Variants in RBFOX1 observed in about 807,000 individuals in gnomAD.
RBFOX1 encodes the protein RNA binding fox-1 homolog 1, also known as RNA binding protein fox-1 homolog 1.
A neutral mutation model predicts 57.7 loss-of-function variants in RBFOX1; 8 were observed. That is an observed-to-expected ratio of 0.14 (90% CI 0.08 to 0.25). The LOEUF (loss-of-function observed/expected upper bound fraction) is 0.25. Among genes scored for constraint, RBFOX1 ranks in the 10% least tolerant of loss-of-function variants. The pLI is 1.00. For synonymous variants in RBFOX1, 326 were observed against 222.4 expected, an observed-to-expected ratio of 1.47 and a Z score of -4.15; for missense variants, 611 against 548.5, an observed-to-expected ratio of 1.11 and a Z score of -1.14.
Position 7,227,258 on chromosome 16 carries a change from C to G in RBFOX1, c.27+175160C>G, listed in dbSNP as rs537510484. Among the ~76,000 whole-genome samples the G allele has an allele frequency of 4.6e-5, 7 of 150,942 alleles. No homozygotes were observed. The Admixed American group carries it at 4.7e-4, about 10-fold the overall frequency. On this transcript the variant is annotated intron_variant, in intron 4 of 15. Transcript: ENST00000550418. The stretch of plus-strand genomic sequence containing the variant: ...CTCTATCTGTATATCTCTCTCTGTT[C>G]TCACTGTCACATACCACACACACCC...
chr16:7,372,532 T>C (rs984245884), intron 4 of RBFOX1, among the ~76,000 whole-genome samples: 2 of 152,178 alleles, frequency 1.3e-5, no homozygotes, highest in Non-Finnish European at 2.9e-5. Flanking sequence ...CCTGATTGAT[T>C]AGTAGTGGCT....
At chr16:7,060,484 G>C (rs1021218709) in intron 4 of RBFOX1, among the ~76,000 whole-genome samples, 1 of 152,112 alleles carries the variant, frequency 6.6e-6, no homozygotes, top group South Asian at 2.1e-4. Flanking sequence ...CTTTAAAAGT[G>C]ATTTCTTGCT....
At chr16:5,800,201 G>A (rs1045636881) in intron 3 of RBFOX1, among the ~76,000 whole-genome samples, 3 of 152,146 alleles carry the variant, frequency 2.0e-5, no homozygotes, top group African/African-American at 7.2e-5. Context: ...GGAAGGGGAA[G>A]TATACACCCA....
intron 3 of RBFOX1, among the ~76,000 whole-genome samples, chr16:5,740,741 G>A (rs543250714): frequency 1.1e-3 from 165 of 152,206 alleles, no homozygotes; most frequent in Non-Finnish European, 1.9e-3. Flanking sequence ...AAGGGCTGTG[G>A]GTACTCTAAT....
At chr16:5,591,016 A>C (rs955827710) in intron 2 of RBFOX1, among the ~76,000 whole-genome samples, 43 of 141,090 alleles carry the variant, frequency 3.0e-4, no homozygotes, top group Admixed American at 7.3e-4. Context: ...TGAGCTAAAC[A>C]TTTTTTTTTT....
At chr16:6,272,910 G>A (rs530814957) in intron 1 of RBFOX1, among the ~76,000 whole-genome samples, 120 of 152,186 alleles carry the variant, frequency 7.9e-4, no homozygotes, top group African/African-American at 2.7e-3. Flanking sequence ...ATACAAAAAA[G>A]GCTCAAAATG....
chr16:6,483,166 T>A, intron 2 of RBFOX1: 2 of 1,103,262 alleles, frequency 1.8e-6, no homozygotes, highest in Non-Finnish European at 2.2e-6. Flanking sequence ...ATTGGGCGTC[T>A]CATTTGGCGA....
intron 3 of RBFOX1, among the ~76,000 whole-genome samples, chr16:5,734,495 G>A (rs2052501201): frequency 6.6e-6 from 1 of 152,194 alleles, no homozygotes; most frequent in African/African-American, 2.4e-5. Context: ...TCTGAAACCT[G>A]ATTTCCTCTA....
intron 4 of RBFOX1, among the ~76,000 whole-genome samples, chr16:7,086,572 GA>G (rs1298681311): frequency 6.6e-6 from 1 of 152,070 alleles, no homozygotes; most frequent in Admixed American, 6.5e-5. Flanking sequence ...GTGATTTATA[GA>G]AAAAAATTAT....
intron 1 of RBFOX1, among the ~76,000 whole-genome samples, chr16:5,335,335 G>C (rs2064868718): frequency 2.0e-5 from 3 of 152,324 alleles, no homozygotes; most frequent in South Asian, 4.1e-4. Context: ...CTGTGGGAGA[G>C]AGGTGAAGAT....
In RBFOX1 at chr16:7,223,732, GAAAA is replaced by G. The variant is rs1177954131; in HGVS notation, c.27+171636_27+171639del. On this transcript the variant is annotated intron_variant, in intron 4 of 15. Transcript: ENST00000550418. ...TTTCAGAAAAAAAAAAAAAAAAAAA[GAAAA>G]AGAAATGAGCAAGGCAGGTGGATTT... 8.3e-4 allele frequency among the ~76,000 whole-genome samples: 109 copies of G among 131,058 alleles called. 2 individuals are homozygous for G. The highest frequency in any genetic ancestry group is 6.3e-4 in the Non-Finnish European group (37 of 59,020). 86.0% of individuals were successfully genotyped at this position (131,058 alleles called of 152,430 possible).
At chr16:7,451,937 G>A (rs1051746987) in intron 4 of RBFOX1, among the ~76,000 whole-genome samples, 2 of 152,120 alleles carry the variant, frequency 1.3e-5, no homozygotes. Context: ...TCTGGGTATG[G>A]AATGAGGTGG....
At chr16:7,555,797 T>A (rs1006458531) in intron 5 of RBFOX1, among the ~76,000 whole-genome samples, 2 of 152,290 alleles carry the variant, frequency 1.3e-5, no homozygotes, top group East Asian at 1.9e-4. Flanking sequence ...ATAAAAGCCA[T>A]CCATTGAAAA....
chr16:6,907,939 C>T (rs9928492), intron 3 of RBFOX1, among the ~76,000 whole-genome samples: 44,423 of 151,304 alleles, frequency 0.29, 7,876 homozygotes, highest in African/African-American at 0.46. Flanking sequence ...TGAATCTCCA[C>T]CTGCATGTTT....
At chr16:6,001,714 G>A (rs138036804) in intron 4 of RBFOX1, among the ~76,000 whole-genome samples, 13 of 152,234 alleles carry the variant, frequency 8.5e-5, no homozygotes, top group African/African-American at 3.1e-4. Flanking sequence ...ATTTAAATAA[G>A]GAAATAGTTT....
At chr16:5,773,690 G>A (rs1289300496) in intron 3 of RBFOX1, among the ~76,000 whole-genome samples, 1 of 152,136 alleles carries the variant, frequency 6.6e-6, no homozygotes, top group Non-Finnish European at 1.5e-5. Flanking sequence ...GGAAAAGCAT[G>A]TGCATTTTTA....
intron 2 of RBFOX1, among the ~76,000 whole-genome samples, chr16:6,525,516 C>G (rs2096566184): frequency 6.6e-6 from 1 of 152,176 alleles, no homozygotes; most frequent in Non-Finnish European, 1.5e-5. Flanking sequence ...GTTGGTGCTG[C>G]TATAACAAAA....
intron 4 of RBFOX1, among the ~76,000 whole-genome samples, chr16:5,880,045 G>A (rs1219870763): frequency 2.0e-5 from 3 of 152,154 alleles, no homozygotes; most frequent in African/African-American, 7.2e-5. Context: ...TGCCAGTGAG[G>A]CCCGTGACAG....
intron 2 of RBFOX1, among the ~76,000 whole-genome samples, chr16:6,598,163 C>T (rs1252529163): frequency 6.6e-6 from 1 of 152,202 alleles, no homozygotes; most frequent in Non-Finnish European, 1.5e-5. Context: ...CATCTGTTTC[C>T]TATATGCAGA....
Sources: gnomAD v4.1 joint callset for allele counts (sites outside exome capture counted in the v4.1 genomes callset) on GRCh38, gnomAD v4.1.1 for gene constraint, MANE v1.5 for transcripts, NCBI Gene and HGNC (gene_info 2026-07-23, HGNC 2026-07-21) for gene names.